The following PRPF6 variants were observed in gnomAD, a reference collection of about 807,000 sequenced individuals.
PRPF6 encodes pre-mRNA processing factor 6.
In PRPF6, 42 loss-of-function variants were observed where a neutral mutation model predicts 118.3. The observed-to-expected ratio is 0.35, with a 90% CI of 0.28 to 0.46. PRPF6 has a LOEUF of 0.46. Ranked by LOEUF, PRPF6 falls within the 20% of genes least tolerant of loss-of-function variation. The probability of loss-of-function intolerance (pLI) is 1.00; values close to 1 mark genes in which losing one functional copy is unlikely to be tolerated. For missense variants in PRPF6, 662 were observed against 1,255.7 expected, an observed-to-expected ratio of 0.53 and a Z score of 7.15; for synonymous variants, 481 against 485.1, an observed-to-expected ratio of 0.99 and a Z score of 0.11.
intron 11 of PRPF6, among the ~76,000 whole-genome samples, chr20:64,015,078 TGTTTTATTATTGAGTTGTAAGAG>T (rs1261669860): frequency 5.9e-5 from 9 of 152,270 alleles, no homozygotes; most frequent in African/African-American, 1.9e-4. Context: ...TTTTGTCTGT[TGTTTTATTATTGAGTTGTAAGAG>T]ATGTTTTTAT....
intron 12 of PRPF6, among the ~76,000 whole-genome samples, chr20:64,019,409 A>G (rs2059253353): frequency 1.3e-5 from 2 of 152,028 alleles, no homozygotes. Context: ...TTATTTTGTC[A>G]TCTCTTTCAC....
chr20:64,017,185 AC>A (rs2059242219), intron 12 of PRPF6, among the ~76,000 whole-genome samples: 1 of 151,788 alleles, frequency 6.6e-6, no homozygotes, highest in Non-Finnish European at 1.5e-5. Context: ...CTCGTGATCC[AC>A]CCCGCCTTGG....
At chr20:64,024,757 T>A in intron 14 of PRPF6, 64 bp downstream of exon 14, 1 of 1,574,814 alleles carries the variant, frequency 6.3e-7, no homozygotes, top group Admixed American at 1.8e-5. Context: ...GGGTGCTGAC[T>A]GGGGCCTGAA....
intron 12 of PRPF6, among the ~76,000 whole-genome samples, chr20:64,021,245 G>GTGTGTT (rs2059261127): frequency 6.6e-6 from 1 of 151,368 alleles, no homozygotes; most frequent in Non-Finnish European, 1.5e-5. Flanking sequence ...CTGTGTGTGC[G>GTGTGTT]TGTGTGCGTG....
intron 12 of PRPF6, among the ~76,000 whole-genome samples, chr20:64,020,222 C>T (rs1236192910): frequency 6.6e-6 from 1 of 152,124 alleles, no homozygotes; most frequent in Non-Finnish European, 1.5e-5. Flanking sequence ...TCGAGACCAG[C>T]CTGGCCAACA....
chr20:64,003,995 A>T (rs182084734), intron 9 of PRPF6, among the ~76,000 whole-genome samples: 63 of 152,334 alleles, frequency 4.1e-4, no homozygotes, highest in Non-Finnish European at 7.2e-4. Flanking sequence ...AGGAAGAAAT[A>T]GTTCTTTGAT....
At chr20:64,001,798 A>C (rs989025739) in intron 9 of PRPF6, among the ~76,000 whole-genome samples, 1 of 152,148 alleles carries the variant, frequency 6.6e-6, no homozygotes, top group Non-Finnish European at 1.5e-5. Flanking sequence ...ACCTGATTCC[A>C]TCCAGGGATT....
intron 12 of PRPF6, among the ~76,000 whole-genome samples, chr20:64,019,964 C>G (rs816923): frequency 0.25 from 38,032 of 152,182 alleles, 5,874 homozygotes; most frequent in African/African-American, 0.43. Flanking sequence ...CCTCTGGGAA[C>G]TGTTCTTGGG....
At position 64,027,370 on chromosome 20, in the gene PRPF6, G is replaced by A. The variant is rs2059295534; in HGVS notation, c.2205+212G>A. 6.6e-6 allele frequency among the ~76,000 whole-genome samples: 1 copy of A among 152,168 alleles called. No individual in the cohort carries two copies. The highest frequency in any genetic ancestry group is 2.1e-4 in the South Asian group (1 of 4,826). ...GAAGCTGCACACACTGCTCAGAAGTGCAGAGTGTGGCACACCTGCAGTAAA... is the reference window on the plus strand; with the variant it reads ...GAAGCTGCACACACTGCTCAGAAGTACAGAGTGTGGCACACCTGCAGTAAA... On this transcript the variant is annotated intron_variant, in intron 16 of 20. Coordinates refer to ENST00000266079, the MANE Select transcript of PRPF6 (RefSeq NM_012469.4). The surrounding 1 kb of genome is among the most constrained non-coding windows in gnomAD (Gnocchi z 6.5).
rs531460613 is a variant in PRPF6 at position 64,028,774 on chromosome 20, G to A, written c.2431+205G>A. ...TCAGTCAAAAGTTTCAGCTATACTCGGCCGTTAAGACAACTTAATGAAATT... is the reference window on the plus strand; with the variant it reads ...TCAGTCAAAAGTTTCAGCTATACTCAGCCGTTAAGACAACTTAATGAAATT... On this transcript the variant is annotated intron_variant, in intron 18 of 20. Transcript: ENST00000266079. This position sits in a 1 kb window ranked among gnomAD's most constrained non-coding sequence, Gnocchi z 6.5. Among the ~76,000 whole-genome samples, 13 of 152,304 alleles carry A rather than the reference G, an allele frequency of 8.5e-5. No homozygotes were observed. Among genetic ancestry groups the A allele is most frequent in the African/African-American group, 2.9e-4 (12 of 41,564 alleles).
In PRPF6 at chr20:64,008,470, G is replaced by A. The variant is rs115307941; in HGVS notation, c.1187-1730G>A. ...AAATATTCGTGGCAATGCAAGCAGC[G>A]TCAGGAGCTGCAGAGGCTGTCACTG... On this transcript the variant is annotated intron_variant, in intron 9 of 20. Transcript: ENST00000266079. Among the ~76,000 whole-genome samples the A allele has an allele frequency of 4.4e-3, 674 of 152,074 alleles. 6 individuals carry two copies. The highest frequency in any genetic ancestry group is 0.016 in the African/African-American group (645 of 41,468).
rs911367825 is a variant in PRPF6 at position 64,028,160 on chromosome 20, G to A, written c.2340-318G>A. ...GGGGCTGGAGCACTGTGCAGGCACT[G>A]CCGCAGACAGGCAGCTTCTGGGTGC... On this transcript the variant is annotated intron_variant, in intron 17 of 20. Coordinates refer to ENST00000266079, the MANE Select transcript of PRPF6 (RefSeq NM_012469.4). The surrounding 1 kb of genome is among the most constrained non-coding windows in gnomAD (Gnocchi z 6.5). Among the ~76,000 whole-genome samples the A allele has an allele frequency of 6.6e-6, 1 of 152,202 alleles. No individual in the cohort carries two copies. Among genetic ancestry groups the A allele is most frequent in the Non-Finnish European group, 1.5e-5 (1 of 68,020 alleles).
chr20:64,017,377 C>G (rs2059243541), intron 12 of PRPF6, among the ~76,000 whole-genome samples: 1 of 149,220 alleles, frequency 6.7e-6, no homozygotes, highest in African/African-American at 2.5e-5. Context: ...GCCCGGCCTC[C>G]CAGAGTGCTG....
In PRPF6 at chr20:64,027,195, C is replaced by A. The variant is rs374881378; in HGVS notation, c.2205+37C>A. The A allele has an allele frequency of 1.2e-6, 2 of 1,609,932 alleles. No homozygotes were observed. Among genetic ancestry groups the A allele is most frequent in the South Asian group, 2.2e-5 (2 of 90,750 alleles). The stretch of plus-strand genomic sequence containing the variant: ...CCTGCACCCTGGGGCTGCAGCTGAC[C>A]CGGCATTCACAAAACTGAGCCCCCT... On this transcript the variant is annotated intron_variant, in intron 16 of 20. Transcript: ENST00000266079. The surrounding 1 kb of genome is among the most constrained non-coding windows in gnomAD (Gnocchi z 6.5).
chr20:64,011,170 C>G lies in PRPF6; in HGVS notation c.1306-115C>G, dbSNP rs1438631494. On this transcript the variant is annotated intron_variant, in intron 10 of 20. Transcript: ENST00000266079. The surrounding 1 kb of genome is among the most constrained non-coding windows in gnomAD (Gnocchi z 6.7). ...CTTCTCAGGCCATGTTCAGATGGTT[C>G]TCGAGAGCTAAGAAAGAACGTGGTG... The G allele has an allele frequency of 1.1e-5, 10 of 885,320 alleles. No homozygotes were observed. The highest frequency in any genetic ancestry group is 1.6e-5 in the Non-Finnish European group (9 of 548,648). The allele number at this position is 885,320 out of a possible 1,614,324, so 54.8% of individuals were successfully genotyped here.
intron 11 of PRPF6, among the ~76,000 whole-genome samples, chr20:64,014,645 C>G (rs962982741): frequency 6.6e-6 from 1 of 151,920 alleles, no homozygotes; most frequent in Non-Finnish European, 1.5e-5. Context: ...GGCAAAAGAG[C>G]GAGACTCTGT....
intron 13 of PRPF6, 128 bp from the exon 14 acceptor site, chr20:64,024,427 T>A: frequency 8.0e-7 from 1 of 1,255,732 alleles, no homozygotes; most frequent in Non-Finnish European, 1.2e-6. Context: ...TAAAATCTGG[T>A]CAATCATTTA....
In PRPF6 at chr20:64,027,908, G is replaced by A. The variant is rs746367743; in HGVS notation, c.2339+172G>A. Among the ~76,000 whole-genome samples the A allele has an allele frequency of 4.6e-5, 7 of 152,126 alleles. No homozygotes were observed. Among genetic ancestry groups the A allele is most frequent in the Admixed American group, 1.3e-4 (2 of 15,280 alleles). On this transcript the variant is annotated intron_variant, in intron 17 of 20. Transcript: ENST00000266079. This position sits in a 1 kb window ranked among gnomAD's most constrained non-coding sequence, Gnocchi z 6.5. Reference sequence around the variant, plus strand: ...CACGGTCCCTGCCTTAGGAGAGTTCGGCCTAGGTACTGTGACAGGCCTGTA... The same window carrying A: ...CACGGTCCCTGCCTTAGGAGAGTTCAGCCTAGGTACTGTGACAGGCCTGTA...
intron 12 of PRPF6, among the ~76,000 whole-genome samples, chr20:64,021,611 CTG>C (rs773141851): frequency 1.1e-3 from 117 of 104,914 alleles, no homozygotes; most frequent in African/African-American, 4.4e-3. Flanking sequence ...AGCCCCATGT[CTG>C]TGTGTGCGTG....
Sources: allele counts gnomAD v4.1 joint callset (sites outside exome capture counted in the v4.1 genomes callset), GRCh38; gene constraint gnomAD v4.1.1; non-coding constraint Gnocchi (gnomAD v3.1); transcripts MANE v1.5; gene names NCBI Gene and HGNC (gene_info 2026-07-23, HGNC 2026-07-21).